Variants in DLG2 observed in about 807,000 individuals in gnomAD.
DLG2 encodes the protein disks large homolog 2.
A neutral mutation model predicts 132.5 loss-of-function variants in DLG2; 45 were observed. That is an observed-to-expected ratio of 0.34 (90% confidence interval 0.27 to 0.44). The LOEUF is 0.44. DLG2 is among the 20% of genes least tolerant of loss of function. The pLI is 1.00. For missense variants in DLG2, 1,045 were observed against 1,196.9 expected (o/e 0.87, Z 1.87); for synonymous variants, 424 against 419.6 (o/e 1.01, Z -0.13).
chr11:83,586,129 T>G (rs1040758209), intron 19 of DLG2, among the ~76,000 whole-genome samples: 1 of 152,200 alleles, frequency 6.6e-6, no homozygotes, highest in African/African-American at 2.4e-5. Context: ...TCAGGACAGC[T>G]AGAGAATCTG....
chr11:84,632,621 T>G (rs967279997), intron 6 of DLG2, among the ~76,000 whole-genome samples: 4 of 152,202 alleles, frequency 2.6e-5, no homozygotes. Context: ...TTCCACTAAG[T>G]GAATCATGTC....
Position 84,173,558 on chromosome 11 carries a change from A to G in DLG2, c.574-10047T>C, listed in dbSNP as rs548998684. Among the ~76,000 whole-genome samples the G allele has an allele frequency of 5.6e-4, 86 of 152,314 alleles. 1 individual carries two copies. The highest frequency in any genetic ancestry group is 2.0e-3 in the African/African-American group (84 of 41,568). ...TAAAAACTGGGTGCTAAGCCAAAAG[A>G]TGAGACTTTACGAATATGATGATCT... On this transcript the variant is annotated intron_variant, in intron 8 of 27. Coordinates refer to ENST00000376104, the MANE Select transcript of DLG2 (RefSeq NM_001142699.3).
intron 11 of DLG2, among the ~76,000 whole-genome samples, chr11:84,011,304 T>C (rs1473942626): frequency 6.6e-6 from 1 of 151,814 alleles, no homozygotes; most frequent in African/African-American, 2.4e-5. Flanking sequence ...ACCCTGTCTC[T>C]ATAAAAAAAT....
chr11:85,127,096 A>C (rs1019196616), intron 5 of DLG2, among the ~76,000 whole-genome samples: 10 of 152,044 alleles, frequency 6.6e-5, no homozygotes, highest in Non-Finnish European at 4.4e-5. Context: ...AAGATAACAA[A>C]TATCTCAACT....
At chr11:85,285,115 ATTG>A (rs2078474887) in intron 4 of DLG2, 102 bp downstream of exon 4, 3 of 1,003,932 alleles carry the variant, frequency 3.0e-6, no homozygotes, top group East Asian at 4.9e-5. Flanking sequence ...CATTTCTATT[ATTG>A]TTGTTGCCAT....
chr11:83,688,943 G>C (rs1189628462), intron 18 of DLG2, among the ~76,000 whole-genome samples: 1 of 152,126 alleles, frequency 6.6e-6, no homozygotes, highest in Non-Finnish European at 1.5e-5. Flanking sequence ...TTCATTCTGT[G>C]AGTATATATG....
chr11:83,976,592 C>T (rs1474781611), intron 12 of DLG2, among the ~76,000 whole-genome samples: 1 of 151,856 alleles, frequency 6.6e-6, no homozygotes, highest in African/African-American at 2.4e-5. Context: ...AGGGTGGCTT[C>T]AGTGATTTTG....
chr11:84,777,752 TC>T (rs1301721250), intron 6 of DLG2, among the ~76,000 whole-genome samples: 4 of 152,168 alleles, frequency 2.6e-5, no homozygotes, highest in Non-Finnish European at 5.9e-5. Context: ...TTGTATGTCT[TC>T]TTTTGAAAAA....
rs188309951 is a variant in DLG2 at position 83,560,130 on chromosome 11, T to G, written c.1941-18272A>C. ...GGGCTGAACTTTGCTTTTTTTTTTTTTCTTCTTGAGACGGAGTCTCACTGT... is the reference window on the plus strand; with the variant it reads ...GGGCTGAACTTTGCTTTTTTTTTTTGTCTTCTTGAGACGGAGTCTCACTGT... On this transcript the variant is annotated intron_variant, in intron 19 of 27. Transcript: ENST00000376104. 2.7e-3 allele frequency among the ~76,000 whole-genome samples: 409 copies of G among 152,060 alleles called. 13 individuals are homozygous for G. The highest frequency in any genetic ancestry group is 0.02 in the Admixed American group (311 of 15,272).
rs147681156 is a variant in DLG2, at chr11:83,674,363, A to C, written c.1826-41038T>G. ...ACTTCTTTGGCATCCTCTATTTGTC[A>C]GGAACTCAACACACTTACTGATAAG... On this transcript the variant is annotated intron_variant, in intron 18 of 27. Coordinates refer to ENST00000376104, the MANE Select transcript of DLG2 (RefSeq NM_001142699.3). 5.9e-3 allele frequency among the ~76,000 whole-genome samples: 902 copies of C among 152,294 alleles called. 13 individuals carry two copies. Among genetic ancestry groups the C allele is most frequent in the African/African-American group, 0.021 (860 of 41,572 alleles).
chr11:85,092,538 CAT>C (rs1222175271), intron 6 of DLG2, among the ~76,000 whole-genome samples: 1 of 151,834 alleles, frequency 6.6e-6, no homozygotes, highest in Non-Finnish European at 1.5e-5. Context: ...GGCAATAATA[CAT>C]ATATATTTTG....
At chr11:85,456,246 G>C (rs2092417843) in intron 3 of DLG2, among the ~76,000 whole-genome samples, 2 of 152,064 alleles carry the variant, frequency 1.3e-5, no homozygotes, top group African/African-American at 4.8e-5. Context: ...TTTCTGGTTT[G>C]TGTGCATAGA....
intron 6 of DLG2, among the ~76,000 whole-genome samples, chr11:84,910,638 T>A (rs1940126): frequency 0.5 from 75,764 of 152,012 alleles, 19,400 homozygotes; most frequent in South Asian, 0.56. Flanking sequence ...TTTGGCCAGG[T>A]GCAGTGGCTC....
chr11:84,946,679 TGA>T (rs1313738719), intron 6 of DLG2, among the ~76,000 whole-genome samples: 2 of 152,020 alleles, frequency 1.3e-5, no homozygotes, highest in Admixed American at 6.6e-5. Flanking sequence ...TGTCTGTGGT[TGA>T]GAGAGAGGAA....
intron 6 of DLG2, among the ~76,000 whole-genome samples, chr11:84,899,888 C>CT (rs2090675190): frequency 6.6e-6 from 1 of 152,016 alleles, no homozygotes; most frequent in Non-Finnish European, 1.5e-5. Context: ...GCTGCAATAA[C>CT]TGAGTAAGAC....
intron 14 of DLG2, among the ~76,000 whole-genome samples, chr11:83,940,806 G>A (rs2082481193): frequency 6.6e-6 from 1 of 152,200 alleles, no homozygotes; most frequent in Non-Finnish European, 1.5e-5. Flanking sequence ...CTATGCCTCA[G>A]TTTCCTCCCC....
At chr11:83,769,041 A>G (rs955728261) in intron 18 of DLG2, among the ~76,000 whole-genome samples, 1 of 152,240 alleles carries the variant, frequency 6.6e-6, no homozygotes, top group Non-Finnish European at 1.5e-5. Flanking sequence ...GTACATAAAT[A>G]TTTAGACATA....
intron 6 of DLG2, among the ~76,000 whole-genome samples, chr11:84,652,020 G>A (rs1248076889): frequency 6.6e-6 from 1 of 152,132 alleles, no homozygotes; most frequent in African/African-American, 2.4e-5. Context: ...TAGCAGGAGA[G>A]TTTTAGAGGG....
At chr11:84,797,300 C>G (rs957330271) in intron 6 of DLG2, among the ~76,000 whole-genome samples, 10 of 152,130 alleles carry the variant, frequency 6.6e-5, no homozygotes, top group Non-Finnish European at 1.0e-4. Flanking sequence ...CTGTTACTAT[C>G]TCTTTGAATA....
Sources: allele counts gnomAD v4.1 joint callset (sites outside exome capture counted in the v4.1 genomes callset), GRCh38; gene constraint gnomAD v4.1.1; transcripts MANE v1.5; gene names NCBI Gene and HGNC (gene_info 2026-07-23, HGNC 2026-07-21).